Variants in LYPLAL1 observed in about 807,000 individuals in gnomAD.
LYPLAL1 encodes the protein lysophospholipase like 1, also known as lysophospholipase-like protein 1.
In LYPLAL1, 23 loss-of-function variants were observed where a neutral mutation model predicts 19.7. The observed-to-expected ratio is 1.17, with a 90% CI of 0.84 to 1.65. The LOEUF (loss-of-function observed/expected upper bound fraction) is 1.65, where lower values mean the gene tolerates loss of function less well. Ranked by LOEUF, LYPLAL1 falls within the 40% of genes most tolerant of loss-of-function variation. The probability of loss-of-function intolerance (pLI) is 0.00; values close to 1 mark genes in which losing one functional copy is unlikely to be tolerated. For missense variants in LYPLAL1, 355 were observed against 279.4 expected, an observed-to-expected ratio of 1.27 and a Z score of -1.93; for synonymous variants, 119 against 96.3, an observed-to-expected ratio of 1.24 and a Z score of -1.38.
At chr1:219,351,724 C>T in the LYPLAL1 span, among the ~76,000 whole-genome samples, 1 of 152,158 alleles carries the variant, frequency 6.6e-6, no homozygotes, top group Non-Finnish European at 1.5e-5. Context: ...TAAAGCAAAA[C>T]AGAAGATGTT....
the LYPLAL1 span, among the ~76,000 whole-genome samples, chr1:219,385,319 T>G: frequency 4.6e-5 from 7 of 152,288 alleles, no homozygotes; most frequent in South Asian, 1.5e-3. Flanking sequence ...GGCTGCTTCT[T>G]GCAGTTCCTC....
In LYPLAL1 at chr1:219,200,400, T is replaced by C. The variant is rs548874380; in HGVS notation, c.361+7149T>C. 1.7e-3 allele frequency: 319 copies of C among 190,392 alleles called. 1 individual carries two copies. Among genetic ancestry groups the C allele is most frequent in the African/African-American group, 7.1e-3 (306 of 42,842 alleles). 11.8% of individuals were successfully genotyped at this position (190,392 alleles called of 1,614,324 possible). ...CAACTCTTGAAATGCCCACCACTTA[T>C]TAGCACATTTCAGGATGGTTTGAGG... On this transcript the variant is annotated intron_variant, in intron 3 of 4. Transcript: ENST00000366928.
the LYPLAL1 span, among the ~76,000 whole-genome samples, chr1:219,389,392 T>C: frequency 2.0e-5 from 3 of 152,178 alleles, no homozygotes; most frequent in African/African-American, 7.2e-5. Context: ...GAGTTTGTTA[T>C]TCAGACTGAA....
chr1:219,437,644 C>T, the LYPLAL1 span, among the ~76,000 whole-genome samples: 34 of 152,168 alleles, frequency 2.2e-4, no homozygotes, highest in South Asian at 2.1e-3. Context: ...TATCTTGCCC[C>T]CTTTGGTACA....
chr1:219,306,849 T>TAGATAGATAGATAGACAGAC, the LYPLAL1 span, among the ~76,000 whole-genome samples: 69 of 135,390 alleles, frequency 5.1e-4, no homozygotes, highest in Admixed American at 8.6e-4. Context: ...GATAGATAGA[T>TAGATAGATAGATAGACAGAC]AGACAGACAG....
chr1:219,417,793 G>A, the LYPLAL1 span, among the ~76,000 whole-genome samples: 64 of 152,334 alleles, frequency 4.2e-4, no homozygotes, highest in South Asian at 0.011. Flanking sequence ...GGAATCATAC[G>A]GCAAAGTGCA....
the LYPLAL1 span, among the ~76,000 whole-genome samples, chr1:219,436,523 G>A: frequency 6.6e-6 from 1 of 152,144 alleles, no homozygotes; most frequent in East Asian, 1.9e-4. Flanking sequence ...CTGCCTGCCC[G>A]GAGCTTAGTC....
At chr1:219,201,622 T>C (rs564476060) in intron 3 of LYPLAL1, among the ~76,000 whole-genome samples, 8 of 152,042 alleles carry the variant, frequency 5.3e-5, no homozygotes, top group Non-Finnish European at 1.0e-4. Context: ...ACATTTTTTG[T>C]GAGATGAGCT....
the LYPLAL1 span, among the ~76,000 whole-genome samples, chr1:219,383,140 T>A: frequency 1.3e-5 from 2 of 152,266 alleles, no homozygotes; most frequent in Non-Finnish European, 2.9e-5. Context: ...ATTTCCAGAC[T>A]ATCATACTAT....
At chr1:219,333,812 T>C in the LYPLAL1 span, among the ~76,000 whole-genome samples, 2 of 152,146 alleles carry the variant, frequency 1.3e-5, no homozygotes, top group South Asian at 4.1e-4. Flanking sequence ...TATGTCTCAC[T>C]GTCCAGCTGA....
the LYPLAL1 span, among the ~76,000 whole-genome samples, chr1:219,221,795 A>G: frequency 1.3e-5 from 2 of 152,212 alleles, no homozygotes; most frequent in Non-Finnish European, 2.9e-5. Flanking sequence ...GCTGTTTCCA[A>G]TCAGTAAAAT....
At chr1:219,321,154 C>A in the LYPLAL1 span, among the ~76,000 whole-genome samples, 1 of 152,130 alleles carries the variant, frequency 6.6e-6, no homozygotes, top group Non-Finnish European at 1.5e-5. Flanking sequence ...GAGATGGTAT[C>A]TCATTGTGGT....
the LYPLAL1 span, chr1:219,412,036 T>C: frequency 4.3e-4 from 66 of 152,370 alleles, no homozygotes; most frequent in African/African-American, 1.6e-3. Flanking sequence ...CCCTATTTCA[T>C]TTTTTTGTTT....
the LYPLAL1 span, among the ~76,000 whole-genome samples, chr1:219,323,794 TC>T: frequency 1.3e-5 from 2 of 152,128 alleles, no homozygotes; most frequent in Non-Finnish European, 2.9e-5. Flanking sequence ...TGCTTTAATC[TC>T]CCCAGTATAA....
At chr1:219,188,401 G>A (rs1412011030) in intron 2 of LYPLAL1, among the ~76,000 whole-genome samples, 2 of 151,598 alleles carry the variant, frequency 1.3e-5, no homozygotes, top group South Asian at 2.1e-4. Context: ...ATGAACAGTC[G>A]GAGCCCACCA....
At chr1:219,333,548 C>A in the LYPLAL1 span, among the ~76,000 whole-genome samples, 1 of 151,972 alleles carries the variant, frequency 6.6e-6, no homozygotes, top group African/African-American at 2.4e-5. Context: ...CTGGAGTAGG[C>A]CTTCTTTTTC....
chr1:219,337,567 A>C, the LYPLAL1 span, among the ~76,000 whole-genome samples: 13 of 151,982 alleles, frequency 8.6e-5, no homozygotes, highest in Admixed American at 2.0e-4. Flanking sequence ...GGTGTACTTC[A>C]TCTAGGAAAT....
the LYPLAL1 span, among the ~76,000 whole-genome samples, chr1:219,381,689 G>A: frequency 6.6e-6 from 1 of 152,184 alleles, no homozygotes; most frequent in South Asian, 2.1e-4. Flanking sequence ...AAAGGCATTT[G>A]AGAAGGACTA....
chr1:219,425,391 C>A, the LYPLAL1 span, among the ~76,000 whole-genome samples: 1 of 152,318 alleles, frequency 6.6e-6, no homozygotes. Context: ...TAATTAGTGG[C>A]AGAGCTTTGA....
Sources: allele counts gnomAD v4.1 joint callset (sites outside exome capture counted in the v4.1 genomes callset), GRCh38; gene constraint gnomAD v4.1.1; transcripts MANE v1.5; gene names NCBI Gene and HGNC (gene_info 2026-07-23, HGNC 2026-07-21).